Variants in NR2F2 observed in about 807,000 individuals in gnomAD.
NR2F2 encodes nuclear receptor subfamily 2 group F member 2.
In NR2F2, 2 loss-of-function variants were observed where a neutral mutation model predicts 34.8. That is an observed-to-expected ratio of 0.06 (90% confidence interval 0.02 to 0.18). NR2F2 has a LOEUF of 0.18. Ranked by LOEUF, NR2F2 falls within the 10% of genes least tolerant of loss-of-function variation. The pLI is 1.00. For synonymous variants in NR2F2, 274 were observed against 251.8 expected (o/e 1.09, Z -0.84); for missense variants, 300 against 580.1 (o/e 0.52, Z 4.96).
chr15:96,330,979 CCTCT>C lies in NR2F2; in HGVS notation c.-1120_-1117del, dbSNP rs898507217. Reference sequence around the variant, plus strand: ...GTGCTTCTAGGTGGTGATCTGCCCTCCTCTCTCTCTTTTATCATTTCTCCCCCGC... The same window carrying C: ...GTGCTTCTAGGTGGTGATCTGCCCTCCTCTCTTTTATCATTTCTCCCCCGC... On this transcript the variant is annotated 5_prime_UTR_variant, in exon 1 of 3. Transcript: ENST00000394166. 6 of 1,201,642 alleles carry C rather than the reference CCTCT, an allele frequency of 5.0e-6. No homozygotes were observed. The African/African-American group carries it at 7.9e-5, about 16-fold the overall frequency. The allele number at this position is 1,201,642 out of a possible 1,614,324, so 74.4% of individuals were successfully genotyped here.
At position 96,338,897 on chromosome 15, in the gene NR2F2, G is replaced by C. The variant is rs554442821; in HGVS notation, c.*1275G>C. The C allele has an allele frequency of 2.3e-5, 3 of 131,316 alleles. No individual in the cohort carries two copies. The highest frequency in any genetic ancestry group is 7.3e-5 in the Admixed American group (1 of 13,734). The allele number at this position is 131,316 out of a possible 1,614,324, so 8.1% of individuals were successfully genotyped here. ...TTAGCTGGCCGGGCGGGGGGTGGTG[G>C]GGGGGGGCATTTGTTTACTCCCCTC... On this transcript the variant is annotated 3_prime_UTR_variant, in exon 3 of 3. Coordinates refer to ENST00000394166, the MANE Select transcript of NR2F2 (RefSeq NM_021005.4).
At chr15:96,337,279 GAAT>G in intron 2 of NR2F2, 66 bp from the exon 3 acceptor site, 1 of 1,503,964 alleles carries the variant, frequency 6.6e-7, no homozygotes, top group South Asian at 1.2e-5. Flanking sequence ...TCTGATGACT[GAAT>G]TCTTCTTCTT....
In NR2F2 at chr15:96,336,705, A is replaced by G. The variant is rs1045267115; in HGVS notation, c.971-643A>G. Among the ~76,000 whole-genome samples, 9 of 152,114 alleles carry G rather than the reference A, an allele frequency of 5.9e-5. No individual in the cohort carries two copies. In the South Asian group the frequency reaches 6.2e-4, roughly 11 times the overall value. On this transcript the variant is annotated intron_variant, in intron 2 of 2. Coordinates refer to ENST00000394166, the MANE Select transcript of NR2F2 (RefSeq NM_021005.4). Reference sequence around the variant, plus strand: ...GGAGAAAAAGGGAGAGAGAAGAAAAAGGGGGAAAAGAAACAGCTCAAATGA... The same window carrying G: ...GGAGAAAAAGGGAGAGAGAAGAAAAGGGGGGAAAAGAAACAGCTCAAATGA...
In NR2F2 at chr15:96,331,309, G is replaced by T. The variant is rs1450145971; in HGVS notation, c.-797G>T. 1 of 1,141,656 alleles carries T rather than the reference G, an allele frequency of 8.8e-7. No homozygotes were observed. Among genetic ancestry groups the T allele is most frequent in the Non-Finnish European group, 1.1e-6 (1 of 930,914 alleles). The allele number at this position is 1,141,656 out of a possible 1,614,324, so 70.7% of individuals were successfully genotyped here. The stretch of plus-strand genomic sequence containing the variant: ...CGGCGGCGGCGGCGGCCCAGCGCCA[G>T]GACGACGCCGCGCAGCGCCCGACGC... On this transcript the variant is annotated 5_prime_UTR_variant, in exon 1 of 3. In the 5' UTR this introduces an upstream ATG that the reference lacks. Coordinates refer to ENST00000394166, the MANE Select transcript of NR2F2 (RefSeq NM_021005.4).
rs1373249033 is a variant in NR2F2, at chr15:96,332,519, G to A, written c.414G>A (p.Lys138=). 7 of 1,612,718 alleles carry A rather than the reference G, an allele frequency of 4.3e-6. No individual in the cohort carries two copies. The Admixed American group carries it at 8.3e-5, about 19-fold the overall frequency. The change falls in exon 1 of 3, where the codon AAG becomes AAA. Residue 138 remains lysine (K), a synonymous_variant. Transcript: ENST00000394166. ...AGTGCCAGTACTGCCGCCTCAAAAA[G>A]TGCCTCAAAGTGGGCATGAGACGGG... ...RNQCQYCRLK[K]CLKVGMRREA...
At position 96,331,048 on chromosome 15, in the gene NR2F2, C is replaced by A; in HGVS notation, c.-1058C>A. On this transcript the variant is annotated 5_prime_UTR_variant, in exon 1 of 3. Transcript: ENST00000394166. ...CTCTTTCCCTATGTGTGTGAGGCGG[C>A]GGCGGCAGCAGCAGCAGCAGCGGCT... 2.0e-5 allele frequency: 25 copies of A among 1,241,608 alleles called. No homozygotes were observed. The highest frequency in any genetic ancestry group is 2.5e-5 in the Non-Finnish European group (25 of 996,968). 76.9% of individuals were successfully genotyped at this position (1,241,608 alleles called of 1,614,324 possible).
chr15:96,331,637 A>G lies in NR2F2; in HGVS notation c.-469A>G. 8.6e-7 allele frequency: 1 copy of G among 1,169,532 alleles called. No homozygotes were observed. Among genetic ancestry groups the G allele is most frequent in the Non-Finnish European group, 1.1e-6 (1 of 934,890 alleles). The allele number at this position is 1,169,532 out of a possible 1,614,324, so 72.4% of individuals were successfully genotyped here. ...CGGCTGCACACCAGCTCTAAGAGCG[A>G]GAGTGAACGAGAGAGGGAGGGAGAG... On this transcript the variant is annotated 5_prime_UTR_variant, in exon 1 of 3. Transcript: ENST00000394166.
At chr15:96,335,614 A>AT (rs796348631) in intron 2 of NR2F2, among the ~76,000 whole-genome samples, 96 of 152,356 alleles carry the variant, frequency 6.3e-4, no homozygotes, top group African/African-American at 2.3e-3. Context: ...TTCCCGATTA[A>AT]GAATAACAAA....
rs773164116 is a variant in NR2F2, at chr15:96,334,479, C to A, written c.846C>A (p.Ala282=). The A allele has an allele frequency of 1.2e-6, 2 of 1,613,886 alleles. No individual in the cohort carries two copies. The highest frequency in any genetic ancestry group is 1.6e-4 in the Middle Eastern group (1 of 6,082). Residue 282 remains alanine (A), a synonymous_variant, in exon 2 of 3, where the codon GCC becomes GCA. Coordinates refer to ENST00000394166, the MANE Select transcript of NR2F2 (RefSeq NM_021005.4). ...AAGLHASPMS[A]DRVVAFMDHI... is the part of the protein sequence containing the mutation. ...GCCTGCATGCTTCGCCCATGTCCGC[C>A]GACCGGGTGGTCGCCTTTATGGACC...
Position 96,337,554 on chromosome 15 carries a change from G to A in NR2F2, c.1177G>A (p.Glu393Lys). The change falls in exon 3 of 3, where the codon GAA (glutamate) becomes AAA (lysine). Residue 393 changes from glutamate (E) to lysine (K), a missense_variant. Transcript: ENST00000394166. ...FVRLVGKTPI[E>K]TLIRDMLLSG... ...CCGTTTGGTAGGTAAAACCCCCATCGAAACCCTCATCCGGGATATGTTACT... is the reference window on the plus strand; with the variant it reads ...CCGTTTGGTAGGTAAAACCCCCATCAAAACCCTCATCCGGGATATGTTACT... 6.2e-7 allele frequency: 1 copy of A among 1,614,050 alleles called. No individual in the cohort carries two copies. Among genetic ancestry groups the A allele is most frequent in the Non-Finnish European group, 8.5e-7 (1 of 1,180,024 alleles).
rs571360931 is a variant in NR2F2, at chr15:96,331,079, GGCGGCAGCA to G, written c.-1014_-1006del. 8.1e-4 allele frequency: 1,005 copies of G among 1,235,944 alleles called. 1 individual carries two copies. Among genetic ancestry groups the G allele is most frequent in the South Asian group, 1.4e-3 (35 of 24,974 alleles). 76.6% of individuals were successfully genotyped at this position (1,235,944 alleles called of 1,614,324 possible). A position where few individuals can be genotyped will look rare whatever the true frequency, so the allele number is the denominator to read the frequency against. ...CAGCAGCAGCAGCAGCGGCTCCGGC[GGCGGCAGCA>G]GCGGCAGCAGCGACTTCAGCGGCGG... On this transcript the variant is annotated 5_prime_UTR_variant, in exon 1 of 3. Coordinates refer to ENST00000394166, the MANE Select transcript of NR2F2 (RefSeq NM_021005.4).
chr15:96,338,424 G>GAA lies in NR2F2; in HGVS notation c.*803_*804insAA, dbSNP rs1899398236. 1 of 152,604 alleles carries GAA rather than the reference G, an allele frequency of 6.6e-6. No individual in the cohort carries two copies. Among genetic ancestry groups the GAA allele is most frequent in the African/African-American group, 2.4e-5 (1 of 41,442 alleles). 9.5% of individuals were successfully genotyped at this position (152,604 alleles called of 1,614,324 possible). A position where few individuals can be genotyped will look rare whatever the true frequency, so the allele number is the denominator to read the frequency against. The stretch of plus-strand genomic sequence containing the variant: ...ATTGGCAGCCAAGGAATGTGTCCAA[G>GAA]ACACATGCTGAGGTTTTGAATAAAA... On this transcript the variant is annotated 3_prime_UTR_variant, in exon 3 of 3. Transcript: ENST00000394166.
At position 96,338,277 on chromosome 15, in the gene NR2F2, T is replaced by G. The variant is rs1010255648; in HGVS notation, c.*655T>G. On this transcript the variant is annotated 3_prime_UTR_variant, in exon 3 of 3. Coordinates refer to ENST00000394166, the MANE Select transcript of NR2F2 (RefSeq NM_021005.4). Reference sequence around the variant, plus strand: ...TTTAGGTGAAGTCGAGCACTCTAATTAGAGAACTGGAGGAACCACATATAA... The same window carrying G: ...TTTAGGTGAAGTCGAGCACTCTAATGAGAGAACTGGAGGAACCACATATAA... The G allele has an allele frequency of 6.6e-6, 1 of 152,598 alleles. No individual in the cohort carries two copies. The highest frequency in any genetic ancestry group is 1.5e-5 in the Non-Finnish European group (1 of 68,052). 9.5% of individuals were successfully genotyped at this position (152,598 alleles called of 1,614,324 possible).
intron 2 of NR2F2, among the ~76,000 whole-genome samples, chr15:96,336,235 A>G (rs149145306): frequency 6.6e-6 from 1 of 152,192 alleles, no homozygotes; most frequent in African/African-American, 2.4e-5. Flanking sequence ...GGAGAATGCA[A>G]ATCGCCTCAC....
chr15:96,334,799 T>C (rs890501245), intron 2 of NR2F2, among the ~76,000 whole-genome samples, 196 bp downstream of exon 2: 1 of 152,264 alleles, frequency 6.6e-6, no homozygotes, highest in Non-Finnish European at 1.5e-5. Flanking sequence ...GAAGGCTGGA[T>C]TGCAGGAAGG....
upstream of NR2F2, among the ~76,000 whole-genome samples, chr15:96,328,431 C>G (rs1899046795): frequency 6.6e-6 from 1 of 152,172 alleles, no homozygotes; most frequent in Non-Finnish European, 1.5e-5. Flanking sequence ...TCCCTATAAT[C>G]AATTATTTTC....
At chr15:96,337,281 A>ATTCTTC (rs3833035) in intron 2 of NR2F2, 67 bp from the exon 3 acceptor site, 461 of 1,499,234 alleles carry the variant, frequency 3.1e-4, no homozygotes, top group Middle Eastern at 5.4e-4. Context: ...TGATGACTGA[A>ATTCTTC]TTCTTCTTCT....
At position 96,331,942 on chromosome 15, in the gene NR2F2, C is replaced by T; in HGVS notation, c.-164C>T. On this transcript the variant is annotated 5_prime_UTR_variant, in exon 1 of 3. Transcript: ENST00000394166. Reference sequence around the variant, plus strand: ...CAAAAAAGGAAAAACTAACCAACCTCAACCAACCAGCCCCCGAGCCACCCG... The same window carrying T: ...CAAAAAAGGAAAAACTAACCAACCTTAACCAACCAGCCCCCGAGCCACCCG... 8.3e-7 allele frequency: 1 copy of T among 1,210,212 alleles called. No individual in the cohort carries two copies. Among genetic ancestry groups the T allele is most frequent in the Non-Finnish European group, 1.0e-6 (1 of 974,446 alleles). 75.0% of individuals were successfully genotyped at this position (1,210,212 alleles called of 1,614,324 possible).
Position 96,334,616 on chromosome 15 carries a change from C to T in NR2F2, c.970+13C>T. ...CTGTTCACCTCAGGTAGGAAGGAGC[C>T]CTGTCTTCTCGTGCCCACGGGCTCC... On this transcript the variant is annotated intron_variant, in intron 2 of 2. Transcript: ENST00000394166. 1 of 1,574,824 alleles carries T rather than the reference C, an allele frequency of 6.3e-7. No homozygotes were observed. Among genetic ancestry groups the T allele is most frequent in the Non-Finnish European group, 8.6e-7 (1 of 1,156,864 alleles).
Sources: gnomAD v4.1 joint callset for allele counts (sites outside exome capture counted in the v4.1 genomes callset) on GRCh38, gnomAD v4.1.1 for gene constraint, MANE v1.5 for transcripts, NCBI Gene and HGNC (gene_info 2026-07-23, HGNC 2026-07-21) for gene names.